Variants in ELL2 observed in about 807,000 individuals in gnomAD.
ELL2 encodes the protein elongation factor for RNA polymerase II 2.
In ELL2, 21 loss-of-function variants were observed where a neutral mutation model predicts 72.8. The observed-to-expected ratio is 0.29, with a 90% CI of 0.20 to 0.42. The LOEUF (loss-of-function observed/expected upper bound fraction) is 0.42, where lower values mean the gene tolerates loss of function less well. ELL2 is among the 10% of genes least tolerant of loss of function. The pLI, the probability that ELL2 is intolerant of heterozygous loss-of-function variation, is 1.00. For synonymous variants in ELL2, 266 were observed against 283.2 expected (o/e 0.94, Z 0.61); for missense variants, 568 against 772.8 (o/e 0.73, Z 3.14).
intron 1 of ELL2, among the ~76,000 whole-genome samples, 174 bp from the exon 2 acceptor site, chr5:95,943,223 C>A (rs1214042234): frequency 6.6e-6 from 1 of 150,784 alleles, no homozygotes; most frequent in East Asian, 1.9e-4. Flanking sequence ...GAGTTCAAGA[C>A]CAGCCTGGGC....
At chr5:95,903,986 T>G (rs1225325537) in intron 5 of ELL2, among the ~76,000 whole-genome samples, 2 of 152,182 alleles carry the variant, frequency 1.3e-5, no homozygotes, top group Non-Finnish European at 2.9e-5. Flanking sequence ...CGTTAGCAAG[T>G]CTTATCACAA....
At chr5:95,943,626 G>C (rs1371666873) in intron 1 of ELL2, among the ~76,000 whole-genome samples, 1 of 152,140 alleles carries the variant, frequency 6.6e-6, no homozygotes, top group East Asian at 1.9e-4. Context: ...CAGGATGCTA[G>C]AAATATAAAA....
chr5:95,929,781 T>TAA (rs755110562), intron 2 of ELL2, among the ~76,000 whole-genome samples: 4 of 134,728 alleles, frequency 3.0e-5, no homozygotes, highest in Non-Finnish European at 4.9e-5. Context: ...AAAGGAAGGG[T>TAA]AAAAAAAAAA....
intron 9 of ELL2, among the ~76,000 whole-genome samples, chr5:95,892,058 A>T (rs1011863936): frequency 1.3e-5 from 2 of 152,248 alleles, no homozygotes; most frequent in African/African-American, 4.8e-5. Flanking sequence ...CTTAACTGGT[A>T]AGAGAAGACC....
intron 4 of ELL2, among the ~76,000 whole-genome samples, chr5:95,908,166 T>A (rs1749447564): frequency 6.6e-6 from 1 of 152,124 alleles, no homozygotes; most frequent in Non-Finnish European, 1.5e-5. Flanking sequence ...CAGAGATAGA[T>A]TTAGATTGGG....
Position 95,961,548 on chromosome 5 carries a change from G to T in ELL2, c.147+27C>A, listed in dbSNP as rs375992026. 375 of 1,552,956 alleles carry T rather than the reference G, an allele frequency of 2.4e-4. No individual in the cohort carries two copies. The African/African-American group carries it at 4.6e-3, about 19-fold the overall frequency. ...TGAGGGGTGCGCTCTGCCTCTCTGA[G>T]CCCAGCCTGCCGGCCGGCCCGCTCA... On this transcript the variant is annotated intron_variant, in intron 1 of 11. Transcript: ENST00000237853.
intron 2 of ELL2, among the ~76,000 whole-genome samples, chr5:95,928,574 T>A (rs1031723302): frequency 6.6e-6 from 1 of 152,204 alleles, no homozygotes; most frequent in Non-Finnish European, 1.5e-5. Flanking sequence ...CTCACACTAC[T>A]CCACACCCCT....
intron 2 of ELL2, among the ~76,000 whole-genome samples, chr5:95,919,985 G>A (rs986881979): frequency 1.3e-5 from 2 of 151,966 alleles, no homozygotes; most frequent in Non-Finnish European, 2.9e-5. Context: ...GTCCATATCC[G>A]AATCTTTGGC....
chr5:95,958,002 T>A (rs552211551), intron 1 of ELL2, among the ~76,000 whole-genome samples: 10 of 152,354 alleles, frequency 6.6e-5, no homozygotes, highest in Admixed American at 6.5e-4. Context: ...CTCTGATGCT[T>A]AATTTAGCAA....
At chr5:95,924,810 A>G (rs1012213522) in intron 2 of ELL2, among the ~76,000 whole-genome samples, 9 of 152,220 alleles carry the variant, frequency 5.9e-5, no homozygotes, top group Non-Finnish European at 1.3e-4. Flanking sequence ...TAGCATAAAC[A>G]CTGTATACCA....
intron 2 of ELL2, among the ~76,000 whole-genome samples, chr5:95,939,969 T>C (rs1750912166): frequency 6.6e-6 from 1 of 152,170 alleles, no homozygotes; most frequent in Non-Finnish European, 1.5e-5. Context: ...GTTGTAAGTA[T>C]CTTAGGTACA....
At chr5:95,907,162 A>G (rs1193707029) in intron 4 of ELL2, among the ~76,000 whole-genome samples, 1 of 151,912 alleles carries the variant, frequency 6.6e-6, no homozygotes, top group Non-Finnish European at 1.5e-5. Flanking sequence ...AAATGTCAGA[A>G]ATACCTGTCA....
intron 2 of ELL2, among the ~76,000 whole-genome samples, chr5:95,934,880 CAT>C (rs1750720736): frequency 6.6e-6 from 1 of 152,132 alleles, no homozygotes; most frequent in Non-Finnish European, 1.5e-5. Flanking sequence ...TCTATTGAAA[CAT>C]GTTCTGGTTT....
chr5:95,909,828 A>G (rs1440488389), intron 4 of ELL2, among the ~76,000 whole-genome samples: 1 of 152,194 alleles, frequency 6.6e-6, no homozygotes, highest in Non-Finnish European at 1.5e-5. Context: ...CCCTCAGTCT[A>G]ATGGCTTTGA....
intron 2 of ELL2, among the ~76,000 whole-genome samples, chr5:95,940,846 A>G (rs1313571433): frequency 1.3e-5 from 2 of 152,168 alleles, no homozygotes; most frequent in Admixed American, 1.3e-4. Context: ...GGAGCAGTGT[A>G]CAGAAGACCC....
chr5:95,927,500 T>TAC (rs200012862), intron 2 of ELL2, among the ~76,000 whole-genome samples: 5 of 25,470 alleles, frequency 2.0e-4, no homozygotes, highest in Admixed American at 2.9e-4. Context: ...TATATAGACA[T>TAC]ACACACACGT....
intron 7 of ELL2, chr5:95,900,459 G>A (rs1749092183): frequency 3.0e-6 from 1 of 335,154 alleles, no homozygotes; most frequent in Non-Finnish European, 5.4e-6. Flanking sequence ...CTTTAAAAAT[G>A]GAAAGCAAGG....
At chr5:95,932,647 A>C (rs898756985) in intron 2 of ELL2, 1 of 152,138 alleles carries the variant, frequency 6.6e-6, no homozygotes, top group African/African-American at 2.4e-5. Context: ...TGCTCCATGA[A>C]AAAAAGAGAT....
intron 1 of ELL2, among the ~76,000 whole-genome samples, chr5:95,951,598 GT>G (rs1021291800): frequency 1.4e-4 from 20 of 147,692 alleles, no homozygotes; most frequent in South Asian, 8.6e-4. Context: ...GGAAGATGAA[GT>G]TTTTTTTTTT....
Sources: gnomAD v4.1 joint callset for allele counts (sites outside exome capture counted in the v4.1 genomes callset) on GRCh38, gnomAD v4.1.1 for gene constraint, MANE v1.5 for transcripts, NCBI Gene and HGNC (gene_info 2026-07-23, HGNC 2026-07-21) for gene names.